Variants in TEX14 observed in about 807,000 individuals in gnomAD.
The protein encoded by TEX14 is inactive serine/threonine-protein kinase TEX14.
A neutral mutation model predicts 178.6 loss-of-function variants in TEX14; 168 were observed. The ratio of observed to expected loss-of-function variants is 0.94; its 90% CI spans 0.83 to 1.07. TEX14 has a LOEUF of 1.07. Ranked by LOEUF, TEX14 falls within the 50% of genes least tolerant of loss-of-function variation. The probability of loss-of-function intolerance (pLI) is 0.00; values close to 1 mark genes in which losing one functional copy is unlikely to be tolerated. For missense variants in TEX14, 1,730 were observed against 1,753.6 expected, an observed-to-expected ratio of 0.99 and a Z score of 0.24; for synonymous variants, 626 against 634.1, an observed-to-expected ratio of 0.99 and a Z score of 0.19.
At chr17:58,622,754 G>T in intron 4 of TEX14, 93 bp downstream of exon 4, 2 of 1,253,226 alleles carry the variant, frequency 1.6e-6, no homozygotes, top group Middle Eastern at 3.0e-4. Context: ...CAATACTAAG[G>T]CCACTGTACG....
chr17:58,598,226 A>C (rs998401579), intron 14 of TEX14, among the ~76,000 whole-genome samples: 2 of 151,766 alleles, frequency 1.3e-5, no homozygotes, highest in South Asian at 4.2e-4. Context: ...AGGCAGGAGA[A>C]TCACTTGAAC....
intron 1 of TEX14, among the ~76,000 whole-genome samples, chr17:58,665,189 G>A (rs1045076208): frequency 3.9e-5 from 6 of 151,914 alleles, no homozygotes; most frequent in African/African-American, 1.4e-4. Context: ...ATAGGGTCTC[G>A]CTATGCTGCC....
At chr17:58,687,532 C>T (rs759654064) in intron 1 of TEX14, among the ~76,000 whole-genome samples, 1 of 152,042 alleles carries the variant, frequency 6.6e-6, no homozygotes, top group African/African-American at 2.4e-5. Flanking sequence ...GACAGGGTTT[C>T]ACCATGTTGG....
chr17:58,638,471 T>C (rs915211609), intron 2 of TEX14, among the ~76,000 whole-genome samples: 9 of 152,214 alleles, frequency 5.9e-5, no homozygotes, highest in Admixed American at 2.6e-4. Flanking sequence ...TATTTATACA[T>C]TGGAATACTA....
In TEX14 at chr17:58,591,554, C is replaced by T. The variant is rs146849917; in HGVS notation, c.2576+2001G>A. 1.9e-3 allele frequency among the ~76,000 whole-genome samples: 291 copies of T among 152,108 alleles called. 2 individuals carry two copies. The highest frequency in any genetic ancestry group is 6.5e-3 in the African/African-American group (270 of 41,492). On this transcript the variant is annotated intron_variant, in intron 15 of 31. Transcript: ENST00000349033. Reference sequence around the variant, plus strand: ...AAAATAAATAAATAAAATGTCTGGACATTTTCCTTCATTTTCCCTTACATA... The same window carrying T: ...AAAATAAATAAATAAAATGTCTGGATATTTTCCTTCATTTTCCCTTACATA...
rs569213463 is a variant in TEX14 at position 58,613,060 on chromosome 17, G to T, written c.1005+361C>A. Among the ~76,000 whole-genome samples, 29 of 152,144 alleles carry T rather than the reference G, an allele frequency of 1.9e-4. No individual in the cohort carries two copies. In the South Asian group the frequency reaches 5.4e-3, roughly 28 times the overall value. ...CTACTAAAAATACAAAAATTAGCCA[G>T]GCATAGTGGCAGGCGCCTGTAGTTC... On this transcript the variant is annotated intron_variant, in intron 9 of 31. Coordinates refer to ENST00000349033, the MANE Select transcript of TEX14 (RefSeq NM_031272.5).
chr17:58,647,575 G>T (rs867236984), intron 2 of TEX14, among the ~76,000 whole-genome samples: 2 of 151,074 alleles, frequency 1.3e-5, no homozygotes, highest in African/African-American at 4.9e-5. Flanking sequence ...TCTCAAGGAG[G>T]GGAAGGAAGA....
chr17:58,577,990 T>C (rs1003720399), intron 20 of TEX14, among the ~76,000 whole-genome samples: 10 of 152,220 alleles, frequency 6.6e-5, no homozygotes, highest in Admixed American at 3.3e-4. Context: ...CCTCCCCAGT[T>C]CTCAGTAAGA....
At position 58,608,836 on chromosome 17, in the gene TEX14, A is replaced by G. The variant is rs117161004; in HGVS notation, c.1184+2325T>C. ...CGTGTGCCAGGTATTCCAGATGCAG[A>G]GAGCAGTGTAGTAAAAGTGCCTTCA... On this transcript the variant is annotated intron_variant, in intron 10 of 31. Coordinates refer to ENST00000349033, the MANE Select transcript of TEX14 (RefSeq NM_031272.5). 1.8e-3 allele frequency among the ~76,000 whole-genome samples: 269 copies of G among 152,348 alleles called. 7 individuals carry two copies. The East Asian group carries it at 0.041, about 23-fold the overall frequency.
Position 58,661,149 on chromosome 17 carries a change from C to T in TEX14, c.-1-9147G>A, listed in dbSNP as rs773767279. The T allele has an allele frequency of 3.6e-6, 3 of 828,426 alleles. No homozygotes were observed. The Admixed American group carries it at 5.1e-5, about 14-fold the overall frequency. The allele number at this position is 828,426 out of a possible 1,614,324, so 51.3% of individuals were successfully genotyped here. A position where few individuals can be genotyped will look rare whatever the true frequency, so the allele number is the denominator to read the frequency against. On this transcript the variant is annotated intron_variant, in intron 1 of 31. Coordinates refer to ENST00000349033, the MANE Select transcript of TEX14 (RefSeq NM_031272.5). ...GCCTGTCTTTGAGATGCCATAGCAA[C>T]GAGGCTAGGATAAGCCGTGGAGGTA... is the stretch of plus-strand genomic sequence containing the variant.
At chr17:58,587,480 C>A in intron 17 of TEX14, 101 bp downstream of exon 17, 1 of 719,406 alleles carries the variant, frequency 1.4e-6, no homozygotes, top group African/African-American at 1.9e-5. Context: ...TGCTATGGTT[C>A]TAAATGTGCA....
chr17:58,674,498 C>T (rs899984802), intron 1 of TEX14, among the ~76,000 whole-genome samples: 64 of 151,936 alleles, frequency 4.2e-4, no homozygotes, highest in African/African-American at 1.5e-3. Context: ...GGCGAAACCC[C>T]GTCTCTACTA....
At chr17:58,626,037 T>C (rs140585972) in intron 3 of TEX14, among the ~76,000 whole-genome samples, 1,703 of 152,150 alleles carry the variant, frequency 0.011, 35 homozygotes, top group African/African-American at 0.039. Context: ...CGTGAGCCAC[T>C]GTGCCCGGCA....
At chr17:58,667,944 T>C (rs2047241095) in intron 1 of TEX14, among the ~76,000 whole-genome samples, 1 of 152,174 alleles carries the variant, frequency 6.6e-6, no homozygotes, top group South Asian at 2.1e-4. Flanking sequence ...CAAACCTTAT[T>C]CAGGCTTCTG....
intron 28 of TEX14, 52 bp downstream of exon 28, chr17:58,564,817 A>G (rs1185061025): frequency 1.7e-6 from 2 of 1,181,942 alleles, no homozygotes; most frequent in Non-Finnish European, 2.4e-6. Flanking sequence ...AAAACCTAAC[A>G]TAAACTATAC....
chr17:58,674,266 ACT>A (rs528916556), intron 1 of TEX14, among the ~76,000 whole-genome samples: 93 of 148,552 alleles, frequency 6.3e-4, no homozygotes, highest in South Asian at 1.1e-3. Flanking sequence ...ACAGAGCAAG[ACT>A]CTGTCTCAAA....
chr17:58,600,518 G>A (rs998275609), intron 13 of TEX14, among the ~76,000 whole-genome samples: 2 of 148,572 alleles, frequency 1.3e-5, no homozygotes, highest in African/African-American at 2.5e-5. Context: ...CCGAGATTGC[G>A]CCATTGCACT....
intron 1 of TEX14, chr17:58,675,237 A>G (rs1480950744): frequency 6.6e-6 from 1 of 152,192 alleles, no homozygotes; most frequent in African/African-American, 2.4e-5. Flanking sequence ...AATCACCATG[A>G]AATACCACTT....
At chr17:58,664,874 G>A (rs1337079452) in intron 1 of TEX14, among the ~76,000 whole-genome samples, 1 of 152,096 alleles carries the variant, frequency 6.6e-6, no homozygotes, top group African/African-American at 2.4e-5. Flanking sequence ...CCTGTGGTAC[G>A]TAACAGATAA....
Sources: allele counts gnomAD v4.1 joint callset (sites outside exome capture counted in the v4.1 genomes callset), GRCh38; gene constraint gnomAD v4.1.1; transcripts MANE v1.5; gene names NCBI Gene and HGNC (gene_info 2026-07-23, HGNC 2026-07-21).